Variants in FHOD3 observed in about 807,000 individuals in gnomAD.
The protein encoded by FHOD3 is formin homology 2 domain containing 3.
FHOD3 carries 90 observed loss-of-function variants against 173.0 expected under a neutral mutation model. The observed-to-expected ratio is 0.52, with a 90% CI of 0.44 to 0.62. The LOEUF is 0.62. FHOD3 is among the 20% of genes least tolerant of loss of function. The pLI, the probability that FHOD3 is intolerant of heterozygous loss-of-function variation, is 0.00. For missense variants in FHOD3, 1,945 were observed against 2,034.7 expected, an observed-to-expected ratio of 0.96 and a Z score of 0.85; for synonymous variants, 828 against 823.0, an observed-to-expected ratio of 1.01 and a Z score of -0.10.
chr18:36,738,247 G>T (rs1317310311), intron 20 of FHOD3, among the ~76,000 whole-genome samples: 1 of 152,108 alleles, frequency 6.6e-6, no homozygotes, highest in Non-Finnish European at 1.5e-5. Context: ...TATTTAGCTT[G>T]GTCCAGTTTT....
At chr18:36,336,973 G>C (rs906708223) in intron 1 of FHOD3, among the ~76,000 whole-genome samples, 1 of 151,626 alleles carries the variant, frequency 6.6e-6, no homozygotes. Flanking sequence ...AGGAGTTTGA[G>C]ACCAGCCTGG....
chr18:36,482,458 G>A (rs1281815699), intron 3 of FHOD3, among the ~76,000 whole-genome samples: 2 of 145,274 alleles, frequency 1.4e-5, no homozygotes, highest in Non-Finnish European at 3.1e-5. Context: ...TGACCCCCCC[G>A]CCCCGCAAGG....
intron 6 of FHOD3, among the ~76,000 whole-genome samples, chr18:36,582,105 G>A (rs1446768204): frequency 6.6e-6 from 1 of 152,152 alleles, no homozygotes; most frequent in African/African-American, 2.4e-5. Flanking sequence ...TGGACATTGG[G>A]GTTTGTTGGC....
intron 5 of FHOD3, among the ~76,000 whole-genome samples, chr18:36,556,777 T>C (rs1469155131): frequency 6.6e-6 from 1 of 152,216 alleles, no homozygotes; most frequent in African/African-American, 2.4e-5. Flanking sequence ...CTTCCAGTGC[T>C]CTTTATTCCT....
chr18:36,749,641 G>A (rs374533966), intron 24 of FHOD3, among the ~76,000 whole-genome samples: 33 of 152,100 alleles, frequency 2.2e-4, no homozygotes, highest in African/African-American at 7.2e-4. Context: ...ATGAACATTC[G>A]TGTGCATGTG....
intron 3 of FHOD3, among the ~76,000 whole-genome samples, chr18:36,380,311 G>T (rs959094514): frequency 3.9e-5 from 6 of 152,200 alleles, no homozygotes; most frequent in Admixed American, 1.3e-4. Context: ...TGACTTATCT[G>T]TAATCCCAGT....
intron 3 of FHOD3, among the ~76,000 whole-genome samples, chr18:36,453,462 C>G (rs1265439153): frequency 6.6e-6 from 1 of 152,388 alleles, no homozygotes; most frequent in South Asian, 2.1e-4. Context: ...AAATCTGCCT[C>G]TCACTGCACA....
intron 3 of FHOD3, among the ~76,000 whole-genome samples, chr18:36,494,191 G>A (rs1310734405): frequency 6.6e-6 from 1 of 152,068 alleles, no homozygotes; most frequent in Non-Finnish European, 1.5e-5. Flanking sequence ...CACCCCTTTG[G>A]CTGTACTTTT....
intron 5 of FHOD3, among the ~76,000 whole-genome samples, chr18:36,540,497 A>C (rs1404258267): frequency 6.6e-6 from 1 of 152,060 alleles, no homozygotes; most frequent in African/African-American, 2.4e-5. Flanking sequence ...GCCACTTAGC[A>C]CTCCTAGGGG....
chr18:36,619,446 G>C (rs11872359), intron 9 of FHOD3, among the ~76,000 whole-genome samples: 22,167 of 152,164 alleles, frequency 0.15, 1,727 homozygotes, highest in African/African-American at 0.18. Flanking sequence ...AAGTTACAAG[G>C]CTAGAGCTAT....
chr18:36,728,429 C>T (rs370864918), intron 19 of FHOD3, among the ~76,000 whole-genome samples: 31 of 152,272 alleles, frequency 2.0e-4, no homozygotes, highest in African/African-American at 7.5e-4. Flanking sequence ...TTTCTTAGGT[C>T]AACTACGTAG....
intron 5 of FHOD3, among the ~76,000 whole-genome samples, chr18:36,547,291 A>G (rs939813470): frequency 6.6e-6 from 1 of 152,200 alleles, no homozygotes; most frequent in Non-Finnish European, 1.5e-5. Flanking sequence ...TCTCTCTCCA[A>G]GGCCATGGTT....
At chr18:36,759,588 G>A (rs2042781472) in intron 26 of FHOD3, among the ~76,000 whole-genome samples, 1 of 152,246 alleles carries the variant, frequency 6.6e-6, no homozygotes, top group Non-Finnish European at 1.5e-5. Context: ...AGCCTCTGAT[G>A]TGTGACCATT....
chr18:36,718,868 C>T (rs1413097294), intron 19 of FHOD3, among the ~76,000 whole-genome samples, 153 bp downstream of exon 19: 1 of 152,144 alleles, frequency 6.6e-6, no homozygotes, highest in Non-Finnish European at 1.5e-5. Flanking sequence ...TTCCTTCTGC[C>T]ACATGCTAGG....
intron 7 of FHOD3, among the ~76,000 whole-genome samples, chr18:36,600,287 AC>A (rs2148453757): frequency 6.6e-6 from 1 of 151,602 alleles, no homozygotes; most frequent in Non-Finnish European, 1.5e-5. Context: ...ACACACACAC[AC>A]ATATGCACAC....
intron 10 of FHOD3, among the ~76,000 whole-genome samples, chr18:36,637,603 C>T (rs1024549952): frequency 6.6e-6 from 1 of 152,080 alleles, no homozygotes; most frequent in Admixed American, 6.5e-5. Flanking sequence ...TCTGAGAATA[C>T]AGTGGTGAAC....
intron 1 of FHOD3, among the ~76,000 whole-genome samples, chr18:36,308,088 G>A (rs2092150449): frequency 6.6e-6 from 1 of 152,158 alleles, no homozygotes; most frequent in Non-Finnish European, 1.5e-5. Context: ...TGTTAAATTT[G>A]TCCATGCTTG....
chr18:36,660,838 C>G (rs78755518), intron 14 of FHOD3, among the ~76,000 whole-genome samples: 60 of 152,330 alleles, frequency 3.9e-4, no homozygotes, highest in African/African-American at 1.3e-3. Context: ...CACTGGGGAA[C>G]AGCAGTGGTG....
At position 36,358,092 on chromosome 18, in the gene FHOD3, A is replaced by C. The variant is rs74379789; in HGVS notation, c.272+2447A>C. On this transcript the variant is annotated intron_variant, in intron 2 of 28. Transcript: ENST00000590592. ...TTTTATTGTCTCAATTTTTCATCTG[A>C]GACAACCAAGGGTCAGAAGTTAAAT... is the stretch of plus-strand genomic sequence containing the variant. Among the ~76,000 whole-genome samples the C allele has an allele frequency of 4.5e-3, 681 of 152,328 alleles. 6 individuals carry two copies. The highest frequency in any genetic ancestry group is 0.011 in the South Asian group (54 of 4,832).
Sources: gnomAD v4.1 joint callset for allele counts (sites outside exome capture counted in the v4.1 genomes callset) on GRCh38, gnomAD v4.1.1 for gene constraint, MANE v1.5 for transcripts, NCBI Gene and HGNC (gene_info 2026-07-23, HGNC 2026-07-21) for gene names.